The following USP39 variants were observed in gnomAD, a reference collection of about 807,000 sequenced individuals.
USP39 encodes the protein ubiquitin carboxyl-terminal hydrolase 39.
In USP39, 38 loss-of-function variants were observed where a neutral mutation model predicts 66.4. The ratio of observed to expected loss-of-function variants is 0.57; its 90% CI spans 0.44 to 0.75. The LOEUF (loss-of-function observed/expected upper bound fraction) is 0.75. Among genes scored for constraint, USP39 ranks in the 30% least tolerant of loss-of-function variants. The probability of loss-of-function intolerance (pLI) is 0.00; values close to 1 mark genes in which losing one functional copy is unlikely to be tolerated. For synonymous variants in USP39, 303 were observed against 274.6 expected, an observed-to-expected ratio of 1.10 and a Z score of -1.02; for missense variants, 608 against 714.4, an observed-to-expected ratio of 0.85 and a Z score of 1.70.
chr2:85,615,674 AG>A (rs574444557), upstream of USP39, among the ~76,000 whole-genome samples: 61 of 152,284 alleles, frequency 4.0e-4, no homozygotes, highest in African/African-American at 1.5e-3. Context: ...CTCGTTGCCC[AG>A]GCTGGAGTGC....
chr2:85,613,501 AAAAAAC>A (rs1673710762), upstream of USP39, among the ~76,000 whole-genome samples: 1 of 130,064 alleles, frequency 7.7e-6, no homozygotes, highest in Admixed American at 7.3e-5. Context: ...ATCAAAAAAC[AAAAAAC>A]AAAAACAAAA....
intron 11 of USP39, among the ~76,000 whole-genome samples, chr2:85,646,389 A>C (rs954628799): frequency 1.4e-4 from 21 of 152,240 alleles, no homozygotes; most frequent in Non-Finnish European, 2.5e-4. Flanking sequence ...CTTAATGTAC[A>C]TTAATCTCAT....
chr2:85,629,646 G>GCCCA (rs1270223657), intron 5 of USP39, among the ~76,000 whole-genome samples: 1 of 150,666 alleles, frequency 6.6e-6, no homozygotes, highest in Admixed American at 6.6e-5. Flanking sequence ...ACAGGCGCGT[G>GCCCA]CCACCATGCC....
At chr2:85,617,037 C>G (rs76008367) in intron 1 of USP39, among the ~76,000 whole-genome samples, 1 of 149,838 alleles carries the variant, frequency 6.7e-6, no homozygotes, top group Non-Finnish European at 1.5e-5. Flanking sequence ...CAGCAGCTTC[C>G]CTTTATCGAA....
rs1165310963 is a variant in USP39, at chr2:85,616,314, C to T, written c.119C>T (p.Ala40Val). 1 of 1,581,730 alleles carries T rather than the reference C, an allele frequency of 6.3e-7. No individual in the cohort carries two copies. Among genetic ancestry groups the T allele is most frequent in the Non-Finnish European group, 8.6e-7 (1 of 1,162,616 alleles). ...RERDREREPE[A>V]ASSRGSPVRV... ...CGAGATCGGGAGCGGGAGCCTGAGG[C>T]GGCGAGCTCCCGGGGCAGCCCTGTG... Residue 40 changes from alanine to valine, a missense_variant, in exon 1 of 13, where the codon GCG becomes GTG. Physicochemically the swap from Ala to Val is moderately conservative, Grantham distance 64. This residue lies in a region of USP39 where 207 missense variants were observed against 145.7 expected (regional missense o/e 1.42). Transcript: ENST00000323701.
chr2:85,622,593 G>A (rs532138562), intron 3 of USP39, among the ~76,000 whole-genome samples: 3 of 149,298 alleles, frequency 2.0e-5, no homozygotes, highest in Admixed American at 1.3e-4. Flanking sequence ...TGGAGACAAG[G>A]CCTTATTATG....
Position 85,630,912 on chromosome 2 carries a change from T to C in USP39, c.915T>C (p.Leu305=). 1 of 1,614,190 alleles carries C rather than the reference T, an allele frequency of 6.2e-7. No homozygotes were observed. The highest frequency in any genetic ancestry group is 1.1e-5 in the South Asian group (1 of 91,086). The change falls in exon 6 of 13, where the codon CTT becomes CTC. Residue 305 remains leucine, a synonymous_variant. Coordinates refer to ENST00000323701, the MANE Select transcript of USP39 (RefSeq NM_006590.4). ...ATGAGATGCTTCAGGCAGTTGTACTTTGCAGTAAGAAGACTTTTCAGATCA... is the reference window on the plus strand; with the variant it reads ...ATGAGATGCTTCAGGCAGTTGTACTCTGCAGTAAGAAGACTTTTCAGATCA... ...SPHEMLQAVV[L]CSKKTFQITK... is the part of the protein sequence containing the mutation.
At chr2:85,612,078 GGCCCC>G, upstream of USP39, 1 of 1,066,570 alleles carries the variant, frequency 9.4e-7, no homozygotes. Flanking sequence ...CTCAGCTTCC[GGCCCC>G]GCATCCTGAC....
At chr2:85,612,121 C>T, upstream of USP39, 1 of 919,548 alleles carries the variant, frequency 1.1e-6, no homozygotes, top group South Asian at 1.8e-5. Context: ...CCGGCCTGGC[C>T]AAGCGATGCA....
intron 9 of USP39, chr2:85,639,628 A>T: frequency 2.8e-6 from 1 of 360,478 alleles, no homozygotes; most frequent in Non-Finnish European, 5.0e-6. Context: ...CTAATTTTTT[A>T]TATTTTTAGT....
intron 8 of USP39, among the ~76,000 whole-genome samples, chr2:85,638,616 G>A (rs887656536): frequency 6.7e-6 from 1 of 149,478 alleles, no homozygotes; most frequent in African/African-American, 2.5e-5. Flanking sequence ...TCGGCTCACC[G>A]CAACCTCCGC....
upstream of USP39, among the ~76,000 whole-genome samples, chr2:85,613,778 T>A (rs186117880): frequency 6.4e-4 from 98 of 152,126 alleles, no homozygotes; most frequent in Admixed American, 5.3e-3. Flanking sequence ...TTAAATTTTT[T>A]TTTATTTTTT....
chr2:85,616,175 A>T, upstream of USP39: 1 of 1,401,642 alleles, frequency 7.1e-7, no homozygotes. Flanking sequence ...CCTGCGCTGG[A>T]CGACTCGGCC....
At chr2:85,635,934 G>A (rs1181930361) in intron 6 of USP39, 119 bp from the exon 7 acceptor site, 1 of 902,032 alleles carries the variant, frequency 1.1e-6, no homozygotes, top group Non-Finnish European at 1.9e-6. Context: ...ACGGCAGTTG[G>A]GATGGGATGG....
intron 9 of USP39, among the ~76,000 whole-genome samples, chr2:85,640,586 G>A (rs1468715200): frequency 6.7e-6 from 1 of 149,148 alleles, no homozygotes; most frequent in Non-Finnish European, 1.5e-5. Flanking sequence ...ACCGTGCCTG[G>A]TTAGTTTTCT....
intron 1 of USP39, among the ~76,000 whole-genome samples, chr2:85,604,494 G>A (rs1431593222): frequency 3.3e-5 from 5 of 152,176 alleles, no homozygotes; most frequent in Non-Finnish European, 7.3e-5. Flanking sequence ...TTACAGATGT[G>A]AACCACCGTG....
upstream of USP39, among the ~76,000 whole-genome samples, chr2:85,613,879 A>G (rs1673738759): frequency 6.6e-6 from 1 of 151,888 alleles, no homozygotes; most frequent in African/African-American, 2.4e-5. Flanking sequence ...TCAGGCCCAA[A>G]CGATCCTCCT....
chr2:85,609,147 C>A, upstream of USP39: 1 of 1,559,246 alleles, frequency 6.4e-7, no homozygotes, highest in Non-Finnish European at 8.7e-7. Context: ...AACACTCTCA[C>A]AGAACTCCAT....
chr2:85,609,352 G>A, upstream of USP39: 3 of 1,544,360 alleles, frequency 1.9e-6, no homozygotes, highest in Non-Finnish European at 2.6e-6. Context: ...TGGGGGTCCT[G>A]AGGAAAACAG....
Sources: allele counts gnomAD v4.1 joint callset (sites outside exome capture counted in the v4.1 genomes callset), GRCh38; gene constraint gnomAD v4.1.1; regional missense constraint gnomAD v4.1.1; transcripts MANE v1.5; gene names NCBI Gene and HGNC (gene_info 2026-07-23, HGNC 2026-07-21).